Variants in BCAS3 observed in about 807,000 individuals in gnomAD.
The protein encoded by BCAS3 is BCAS3 microtubule associated cell migration factor, also known as BCAS4/BCAS3 fusion.
In BCAS3, 53 loss-of-function variants were observed where a neutral mutation model predicts 116.1. The observed-to-expected ratio is 0.46, with a 90% CI of 0.37 to 0.57. BCAS3 has a LOEUF of 0.57. Ranked by LOEUF, BCAS3 falls within the 20% of genes least tolerant of loss-of-function variation. BCAS3 has a pLI of 0.00. For missense variants in BCAS3, 917 were observed against 1,165.4 expected, an observed-to-expected ratio of 0.79 and a Z score of 3.10; for synonymous variants, 391 against 408.2, an observed-to-expected ratio of 0.96 and a Z score of 0.51.
At chr17:61,192,842 C>T (rs2080229233) in intron 22 of BCAS3, among the ~76,000 whole-genome samples, 1 of 152,186 alleles carries the variant, frequency 6.6e-6, no homozygotes, top group African/African-American at 2.4e-5. Flanking sequence ...TTATAATTTA[C>T]TTACATGGAA....
intron 6 of BCAS3, among the ~76,000 whole-genome samples, chr17:60,787,952 A>G (rs1486459300): frequency 2.0e-5 from 3 of 152,006 alleles, no homozygotes; most frequent in Non-Finnish European, 4.4e-5. Context: ...TTAAAAAAAA[A>G]GATGAATGGT....
intron 14 of BCAS3, among the ~76,000 whole-genome samples, chr17:60,984,675 G>A (rs2063015109): frequency 6.6e-6 from 1 of 151,992 alleles, no homozygotes; most frequent in African/African-American, 2.4e-5. Flanking sequence ...TTTTTTGTGG[G>A]TACATAGTAG....
chr17:61,124,082 A>G lies in BCAS3; in HGVS notation c.2425+39518A>G, dbSNP rs2075933596. On this transcript the variant is annotated intron_variant, in intron 22 of 23. Transcript: ENST00000407086. This position sits in a 1 kb window ranked among gnomAD's most constrained non-coding sequence, Gnocchi z 4.6. ...TTGTATCTAGGAGAGAGATATATAT[A>G]TATACATATATATGTTTTTATTATT... 6.6e-6 allele frequency among the ~76,000 whole-genome samples: 1 copy of G among 152,002 alleles called. No individual in the cohort carries two copies. Among genetic ancestry groups the G allele is most frequent in the South Asian group, 2.1e-4 (1 of 4,824 alleles).
At chr17:60,785,024 G>A (rs886096969) in intron 6 of BCAS3, among the ~76,000 whole-genome samples, 1 of 152,098 alleles carries the variant, frequency 6.6e-6, no homozygotes, top group Non-Finnish European at 1.5e-5. Context: ...CTTGAACCTG[G>A]GGAGGCAGAG....
At chr17:60,851,484 G>A (rs2053154945) in intron 7 of BCAS3, 16 of 544,092 alleles carry the variant, frequency 2.9e-5, no homozygotes, top group South Asian at 2.3e-4. Flanking sequence ...AAAAATGGAA[G>A]CGAAGCCGAA....
At position 61,032,992 on chromosome 17, in the gene BCAS3, G is replaced by A. The variant is rs1452926142; in HGVS notation, c.1638-1674G>A. Among the ~76,000 whole-genome samples the A allele has an allele frequency of 6.6e-6, 1 of 152,144 alleles. No homozygotes were observed. The highest frequency in any genetic ancestry group is 1.5e-5 in the Non-Finnish European group (1 of 68,018). On this transcript the variant is annotated intron_variant, in intron 16 of 23. Coordinates refer to ENST00000407086, the MANE Select transcript of BCAS3 (RefSeq NM_017679.5). This position sits in a 1 kb window ranked among gnomAD's most constrained non-coding sequence, Gnocchi z 4.6. ...GATCCAGACTTAGCCATCCTTAGAG[G>A]AAGATGTTTAAACAAGCCTCAGGAA...
At chr17:61,123,791 A>G (rs939069480) in intron 22 of BCAS3, among the ~76,000 whole-genome samples, 2 of 152,124 alleles carry the variant, frequency 1.3e-5, no homozygotes, top group East Asian at 3.9e-4. Context: ...AATCCTGTGC[A>G]TATTGGTTGA....
rs1042126851 is a variant in BCAS3, at chr17:61,367,010, G to T, written c.2426-1317G>T. ...CTCAATGCTGTGGCCATTATCAGAG[G>T]CAGGACCGCCTGCCGAGGCTGGGGC... On this transcript the variant is annotated intron_variant, in intron 22 of 23. Coordinates refer to ENST00000407086, the MANE Select transcript of BCAS3 (RefSeq NM_017679.5). The surrounding 1 kb of genome is among the most constrained non-coding windows in gnomAD (Gnocchi z 6.2). Among the ~76,000 whole-genome samples the T allele has an allele frequency of 6.6e-6, 1 of 152,188 alleles. No homozygotes were observed. Among genetic ancestry groups the T allele is most frequent in the Non-Finnish European group, 1.5e-5 (1 of 68,040 alleles).
chr17:61,388,589 A>G lies in BCAS3; in HGVS notation c.2594-3388A>G. The G allele has an allele frequency of 6.5e-7, 1 of 1,527,304 alleles. No individual in the cohort carries two copies. Among genetic ancestry groups the G allele is most frequent in the Non-Finnish European group, 8.8e-7 (1 of 1,142,466 alleles). 94.6% of individuals were successfully genotyped at this position (1,527,304 alleles called of 1,614,324 possible). On this transcript the variant is annotated intron_variant, in intron 23 of 23. Transcript: ENST00000407086. The surrounding 1 kb of genome is among the most constrained non-coding windows in gnomAD (Gnocchi z 6.5). ...ATCGTTGTCCATATCTTTTCCAAAA[A>G]GATTCCTCAATGCTTTTCTTTTCAA... is the stretch of plus-strand genomic sequence containing the variant.
Position 60,995,899 on chromosome 17 carries a change from A to G in BCAS3, c.1486+5664A>G, listed in dbSNP as rs138973279. Among the ~76,000 whole-genome samples the G allele has an allele frequency of 6.9e-3, 1,043 of 152,256 alleles. 7 individuals are homozygous for G. Among genetic ancestry groups the G allele is most frequent in the Non-Finnish European group, 0.011 (760 of 68,018 alleles). On this transcript the variant is annotated intron_variant, in intron 15 of 23. Transcript: ENST00000407086. This position sits in a 1 kb window ranked among gnomAD's most constrained non-coding sequence, Gnocchi z 4.7. The stretch of plus-strand genomic sequence containing the variant: ...TAGGGAATGCCTAGGGAGGATTGCA[A>G]TTTGAAATTAGTATGCTTCCCATAG...
At chr17:61,109,184 C>CAAAAAAAAAA (rs4011679) in intron 22 of BCAS3, among the ~76,000 whole-genome samples, 11 of 57,422 alleles carry the variant, frequency 1.9e-4, no homozygotes, top group African/African-American at 4.5e-4. Context: ...GACTTTGTCT[C>CAAAAAAAAAA]AAAAAAAAAA....
chr17:60,784,002 T>C (rs2046053783), intron 6 of BCAS3, among the ~76,000 whole-genome samples: 1 of 152,150 alleles, frequency 6.6e-6, no homozygotes. Context: ...AACATAGAAA[T>C]GAAGTATAAT....
intron 5 of BCAS3, among the ~76,000 whole-genome samples, chr17:60,725,088 C>A (rs537166524): frequency 1.3e-5 from 2 of 152,254 alleles, no homozygotes; most frequent in African/African-American, 2.4e-5. Context: ...ACTCCTGGCC[C>A]AAAGCAGTCC....
In BCAS3 at chr17:61,196,559, G is replaced by A. The variant is rs962389907; in HGVS notation, c.2425+111995G>A. Among the ~76,000 whole-genome samples, 12 of 152,228 alleles carry A rather than the reference G, an allele frequency of 7.9e-5. No individual in the cohort carries two copies. The highest frequency in any genetic ancestry group is 2.6e-4 in the Admixed American group (4 of 15,290). ...TTGGAAGTAGCCCCAAGGCTGGTTA[G>A]TCCCCTTCCAGATGGGGAGGTTAGA... is the stretch of plus-strand genomic sequence containing the variant. On this transcript the variant is annotated intron_variant, in intron 22 of 23. Transcript: ENST00000407086. The surrounding 1 kb of genome is among the most constrained non-coding windows in gnomAD (Gnocchi z 4.7).
At chr17:60,910,194 G>A (rs1362158990) in intron 11 of BCAS3, among the ~76,000 whole-genome samples, 1 of 152,102 alleles carries the variant, frequency 6.6e-6, no homozygotes, top group African/African-American at 2.4e-5. Context: ...ATTTTAAGAT[G>A]TATACATTAA....
intron 22 of BCAS3, among the ~76,000 whole-genome samples, chr17:61,287,698 C>G (rs899031314): frequency 2.6e-5 from 4 of 152,026 alleles, no homozygotes; most frequent in Non-Finnish European, 5.9e-5. Flanking sequence ...TACACTCCAG[C>G]CTGGGTGACA....
Position 61,355,272 on chromosome 17 carries a change from C to A in BCAS3, c.2426-13055C>A, listed in dbSNP as rs770838660. On this transcript the variant is annotated intron_variant, in intron 22 of 23. Coordinates refer to ENST00000407086, the MANE Select transcript of BCAS3 (RefSeq NM_017679.5). The surrounding 1 kb of genome is among the most constrained non-coding windows in gnomAD (Gnocchi z 4.2). ...AAACATCTTCTTTGACTAATAAAAA[C>A]AGAAGACTTCTTGGCCCCAGGTTTC... 5.3e-5 allele frequency: 8 copies of A among 152,214 alleles called. No homozygotes were observed. The highest frequency in any genetic ancestry group is 8.8e-5 in the Non-Finnish European group (6 of 68,036). 9.4% of individuals were successfully genotyped at this position (152,214 alleles called of 1,614,324 possible).
intron 11 of BCAS3, among the ~76,000 whole-genome samples, chr17:60,910,155 C>T (rs1477733102): frequency 6.6e-6 from 1 of 152,146 alleles, no homozygotes; most frequent in African/African-American, 2.4e-5. Context: ...TTGACCATTT[C>T]ATAGTTTCTA....
chr17:60,897,931 G>T (rs2057620857), intron 10 of BCAS3, among the ~76,000 whole-genome samples: 1 of 151,192 alleles, frequency 6.6e-6, no homozygotes, highest in Non-Finnish European at 1.5e-5. Flanking sequence ...GTAGAGATAG[G>T]GTCCTGCCAT....
Sources: allele counts gnomAD v4.1 joint callset (sites outside exome capture counted in the v4.1 genomes callset), GRCh38; gene constraint gnomAD v4.1.1; non-coding constraint Gnocchi (gnomAD v3.1); transcripts MANE v1.5; gene names NCBI Gene and HGNC (gene_info 2026-07-23, HGNC 2026-07-21).